Variants in CACNG4 observed in about 807,000 individuals in gnomAD.
CACNG4 encodes calcium voltage-gated channel auxiliary subunit gamma 4.
A neutral mutation model predicts 22.9 loss-of-function variants in CACNG4; 8 were observed. The observed-to-expected ratio is 0.35, with a 90% CI of 0.21 to 0.63. CACNG4 has a LOEUF of 0.63. Ranked by LOEUF, CACNG4 falls within the 30% of genes least tolerant of loss-of-function variation. The probability of loss-of-function intolerance (pLI) is 0.72; values close to 1 mark genes in which losing one functional copy is unlikely to be tolerated. For missense variants in CACNG4, 357 were observed against 455.4 expected, an observed-to-expected ratio of 0.78 and a Z score of 1.97; for synonymous variants, 188 against 191.9, an observed-to-expected ratio of 0.98 and a Z score of 0.17.
intron 1 of CACNG4, among the ~76,000 whole-genome samples, chr17:66,977,408 T>C (rs543158444): frequency 1.3e-5 from 2 of 152,070 alleles, no homozygotes; most frequent in Non-Finnish European, 2.9e-5. Context: ...TAAGTCTGTG[T>C]GATGGTCAAT....
rs554334176 is a variant in CACNG4 at position 67,001,383 on chromosome 17, G to A, written c.221-16806G>A. On this transcript the variant is annotated intron_variant, in intron 1 of 3. Transcript: ENST00000262138. ...CCTGCCACCCCTGTCCCCTCCCCCT[G>A]GTTCTCTAATTCAAGCCCCACCAGC... 3.9e-5 allele frequency among the ~76,000 whole-genome samples: 6 copies of A among 151,912 alleles called. No homozygotes were observed. In the South Asian group the frequency reaches 1.3e-3, roughly 32 times the overall value.
intron 3 of CACNG4, among the ~76,000 whole-genome samples, chr17:67,025,760 C>A (rs1045400018): frequency 6.6e-6 from 1 of 152,246 alleles, no homozygotes; most frequent in African/African-American, 2.4e-5. Context: ...CCCAGAGCAC[C>A]CTTGTCCTGT....
chr17:67,011,624 GGAATGAATGAAT>G (rs67913831), intron 1 of CACNG4, among the ~76,000 whole-genome samples: 2 of 147,202 alleles, frequency 1.4e-5, no homozygotes, highest in East Asian at 2.0e-4. Flanking sequence ...ATGCTCTTGA[GGAATGAATGAAT>G]GAATGAATGA....
At chr17:67,015,507 T>G (rs1156717338) in intron 1 of CACNG4, among the ~76,000 whole-genome samples, 1 of 152,160 alleles carries the variant, frequency 6.6e-6, no homozygotes, top group Non-Finnish European at 1.5e-5. Flanking sequence ...TTGCACGATG[T>G]TGTCATGGGG....
At chr17:66,989,622 T>A (rs1281789753) in intron 1 of CACNG4, among the ~76,000 whole-genome samples, 1 of 151,542 alleles carries the variant, frequency 6.6e-6, no homozygotes, top group African/African-American at 2.4e-5. Context: ...TACAAGGAGA[T>A]TAATTCAGCC....
intron 1 of CACNG4, among the ~76,000 whole-genome samples, chr17:66,970,022 C>A (rs573275924): frequency 2.6e-5 from 4 of 152,194 alleles, no homozygotes; most frequent in Non-Finnish European, 5.9e-5. Context: ...CCCTGGACCC[C>A]CTTCGCCCTT....
chr17:66,985,099 C>T (rs528168273), intron 1 of CACNG4, among the ~76,000 whole-genome samples: 4 of 152,258 alleles, frequency 2.6e-5, no homozygotes, highest in East Asian at 1.9e-4. Context: ...CAGCTGTGAT[C>T]GGGAGATACT....
intron 2 of CACNG4, among the ~76,000 whole-genome samples, chr17:67,023,566 C>T (rs1282087247): frequency 7.9e-6 from 1 of 127,116 alleles, no homozygotes; most frequent in Non-Finnish European, 1.7e-5. Flanking sequence ...TGAGCCACCG[C>T]GCCCAGCCCT....
In CACNG4 at chr17:67,027,086, G is replaced by A. The variant is rs1204174395; in HGVS notation, c.445+2086G>A. 6.6e-6 allele frequency among the ~76,000 whole-genome samples: 1 copy of A among 152,138 alleles called. No homozygotes were observed. Among genetic ancestry groups the A allele is most frequent in the African/African-American group, 2.4e-5 (1 of 41,428 alleles). ...CACAGTGGCCATGCCAGCGCTCTGTGAGCCCAACCCCACCATCCCTGCTCC... is the reference window on the plus strand; with the variant it reads ...CACAGTGGCCATGCCAGCGCTCTGTAAGCCCAACCCCACCATCCCTGCTCC... On this transcript the variant is annotated intron_variant, in intron 3 of 3. Transcript: ENST00000262138. This position sits in a 1 kb window ranked among gnomAD's most constrained non-coding sequence, Gnocchi z 4.3.
intron 1 of CACNG4, among the ~76,000 whole-genome samples, chr17:66,998,193 A>C (rs1332451978): frequency 1.3e-5 from 2 of 152,258 alleles, no homozygotes; most frequent in East Asian, 3.9e-4. Flanking sequence ...CCCCACAGTG[A>C]GGCCTCAGAC....
intron 1 of CACNG4, among the ~76,000 whole-genome samples, chr17:66,992,712 T>G (rs1251424892): frequency 3.3e-5 from 5 of 152,216 alleles, no homozygotes; most frequent in Non-Finnish European, 4.4e-5. Context: ...TTGCACCGGT[T>G]TCTCTGTCCT....
intron 1 of CACNG4, among the ~76,000 whole-genome samples, chr17:66,969,284 G>A (rs986277279): frequency 6.6e-6 from 1 of 152,144 alleles, no homozygotes; most frequent in Non-Finnish European, 1.5e-5. Flanking sequence ...CCCAGTCCCC[G>A]TGCTGCCATC....
intron 1 of CACNG4, among the ~76,000 whole-genome samples, chr17:66,982,004 G>A (rs2035277705): frequency 6.6e-6 from 1 of 152,202 alleles, no homozygotes; most frequent in African/African-American, 2.4e-5. Flanking sequence ...TGGGATCATA[G>A]TGTGTCCAGA....
At chr17:67,026,600 G>A (rs1475893688) in intron 3 of CACNG4, among the ~76,000 whole-genome samples, 2 of 149,252 alleles carry the variant, frequency 1.3e-5, no homozygotes, top group South Asian at 4.3e-4. Context: ...TCTGAGGAGT[G>A]TGGTGTGTGT....
chr17:67,018,108 A>C, intron 1 of CACNG4, 81 bp from the exon 2 acceptor site: 5 of 1,077,170 alleles, frequency 4.6e-6, no homozygotes, highest in Non-Finnish European at 5.7e-6. Context: ...AGGCTCACAC[A>C]CATGGCAACC....
At chr17:66,985,429 G>A (rs1239691489) in intron 1 of CACNG4, among the ~76,000 whole-genome samples, 1 of 152,222 alleles carries the variant, frequency 6.6e-6, no homozygotes, top group Non-Finnish European at 1.5e-5. Context: ...CAAAAAGCAA[G>A]AAAAGAAAGG....
In CACNG4 at chr17:67,024,030, C is replaced by T. The variant is rs575501092; in HGVS notation, c.305-830C>T. Among the ~76,000 whole-genome samples the T allele has an allele frequency of 9.2e-5, 14 of 152,306 alleles. No homozygotes were observed. The South Asian group carries it at 2.3e-3, about 25-fold the overall frequency. ...GGTGGTCACCAAAGTCAGCTGTCCC[C>T]GGTCAGCTAATCAGTGGCAGAGCGA... On this transcript the variant is annotated intron_variant, in intron 2 of 3. Coordinates refer to ENST00000262138, the MANE Select transcript of CACNG4 (RefSeq NM_014405.4).
intron 1 of CACNG4, among the ~76,000 whole-genome samples, chr17:66,975,303 T>TC (rs2035229597): frequency 6.6e-6 from 1 of 151,830 alleles, no homozygotes; most frequent in South Asian, 2.1e-4. Context: ...TCATTCCAGC[T>TC]CCCCCTTTCC....
intron 1 of CACNG4, among the ~76,000 whole-genome samples, chr17:67,000,330 C>T (rs58743386): frequency 4.7e-4 from 72 of 152,314 alleles, no homozygotes; most frequent in Admixed American, 1.2e-3. Context: ...CCTGTTCTCA[C>T]TGTGTCCCAG....
Sources: allele counts gnomAD v4.1 joint callset (sites outside exome capture counted in the v4.1 genomes callset), GRCh38; gene constraint gnomAD v4.1.1; non-coding constraint Gnocchi (gnomAD v3.1); transcripts MANE v1.5; gene names NCBI Gene and HGNC (gene_info 2026-07-23, HGNC 2026-07-21).